The following LDAH variants were observed in gnomAD, a reference collection of about 807,000 sequenced individuals.
LDAH encodes the protein lipid droplet-associated hydrolase.
A neutral mutation model predicts 29.6 loss-of-function variants in LDAH; 26 were observed. That is an observed-to-expected ratio of 0.88 (90% CI 0.64 to 1.22). The LOEUF is 1.22. Ranked by LOEUF, LDAH falls within the 50% of genes most tolerant of loss-of-function variation. The pLI, the probability that LDAH is intolerant of heterozygous loss-of-function variation, is 0.00. For synonymous variants in LDAH, 117 were observed against 133.0 expected, an observed-to-expected ratio of 0.88 and a Z score of 0.83; for missense variants, 344 against 387.3, an observed-to-expected ratio of 0.89 and a Z score of 0.94.
intron 4 of LDAH, among the ~76,000 whole-genome samples, chr2:20,760,211 C>G (rs1265135963): frequency 6.6e-6 from 1 of 151,974 alleles, no homozygotes; most frequent in East Asian, 1.9e-4. Flanking sequence ...AGTGTAAAAG[C>G]AGGGAAAAGT....
intron 1 of LDAH, among the ~76,000 whole-genome samples, chr2:20,807,948 A>C (rs951290301): frequency 1.3e-5 from 2 of 150,838 alleles, no homozygotes; most frequent in African/African-American, 2.5e-5. Context: ...AAAAAAAAAA[A>C]CCCTTACATA....
intron 5 of LDAH, among the ~76,000 whole-genome samples, chr2:20,710,729 C>G (rs571828333): frequency 1.4e-5 from 2 of 146,526 alleles, no homozygotes; most frequent in South Asian, 4.2e-4. Context: ...CATATATATA[C>G]ATATATATTA....
intron 2 of LDAH, among the ~76,000 whole-genome samples, chr2:20,793,601 C>T (rs891045629): frequency 6.6e-6 from 1 of 152,040 alleles, no homozygotes; most frequent in Non-Finnish European, 1.5e-5. Context: ...TCATGTGATA[C>T]CTTTTGGGCC....
intron 4 of LDAH, among the ~76,000 whole-genome samples, chr2:20,747,158 A>T (rs978301994): frequency 6.6e-6 from 1 of 152,058 alleles, no homozygotes; most frequent in African/African-American, 2.4e-5. Context: ...AAAAACAGTA[A>T]ATCTTCAAAA....
chr2:20,724,046 G>C (rs1297033021), intron 5 of LDAH, among the ~76,000 whole-genome samples: 4 of 152,168 alleles, frequency 2.6e-5, no homozygotes, highest in African/African-American at 9.7e-5. Flanking sequence ...AAATAGCCGA[G>C]TGAGGGCTAA....
intron 5 of LDAH, among the ~76,000 whole-genome samples, chr2:20,737,736 G>A (rs1666888673): frequency 6.6e-6 from 1 of 152,148 alleles, no homozygotes; most frequent in African/African-American, 2.4e-5. Flanking sequence ...ATTTTCAGAG[G>A]CGTGTGAACC....
intron 5 of LDAH, among the ~76,000 whole-genome samples, chr2:20,705,116 A>G (rs1297749692): frequency 6.6e-6 from 1 of 152,238 alleles, no homozygotes; most frequent in Non-Finnish European, 1.5e-5. Flanking sequence ...AGGAATTTTT[A>G]TAGATGTTTA....
chr2:20,758,802 T>C (rs1572563505), intron 4 of LDAH, among the ~76,000 whole-genome samples: 1 of 151,912 alleles, frequency 6.6e-6, no homozygotes. Flanking sequence ...GATAGGAAAA[T>C]ATATATCTAG....
intron 4 of LDAH, among the ~76,000 whole-genome samples, chr2:20,763,268 A>C (rs1668810926): frequency 6.6e-6 from 1 of 152,174 alleles, no homozygotes; most frequent in South Asian, 2.1e-4. Context: ...CCTGCTTCCA[A>C]GGGATATGAG....
In LDAH at chr2:20,765,033, G is replaced by C. The variant is rs116786474; in HGVS notation, c.468+9777C>G. 4.3e-3 allele frequency among the ~76,000 whole-genome samples: 649 copies of C among 152,254 alleles called. 3 individuals are homozygous for C. Among genetic ancestry groups the C allele is most frequent in the African/African-American group, 0.015 (628 of 41,558 alleles). On this transcript the variant is annotated intron_variant, in intron 4 of 6. Coordinates refer to ENST00000237822, the MANE Select transcript of LDAH (RefSeq NM_021925.4). ...TAGACTTTTTCTAGATGGAAAAGGA[G>C]AACCAAATATGTAATATATGTTCCC... is the stretch of plus-strand genomic sequence containing the variant.
intron 4 of LDAH, among the ~76,000 whole-genome samples, chr2:20,769,460 T>C (rs1241797842): frequency 6.6e-6 from 1 of 152,226 alleles, no homozygotes; most frequent in Non-Finnish European, 1.5e-5. Context: ...AGTGACATAA[T>C]ATGAATGCTT....
At chr2:20,682,769 A>C (rs1281106603), downstream of LDAH, among the ~76,000 whole-genome samples, 1 of 152,180 alleles carries the variant, frequency 6.6e-6, no homozygotes, top group Admixed American at 6.5e-5. Flanking sequence ...TCTCTAACAC[A>C]CGAACTTTGG....
chr2:20,755,265 T>C (rs1397051426), intron 4 of LDAH, among the ~76,000 whole-genome samples: 3 of 151,398 alleles, frequency 2.0e-5, no homozygotes, highest in African/African-American at 7.2e-5. Context: ...CTTACAACTC[T>C]TCTCTAAGTT....
chr2:20,791,224 T>C (rs368364344), intron 2 of LDAH, among the ~76,000 whole-genome samples: 1 of 152,214 alleles, frequency 6.6e-6, no homozygotes, highest in Non-Finnish European at 1.5e-5. Context: ...GTTAAGAGCA[T>C]AGACTCTGAA....
chr2:20,713,982 G>A (rs1315353677), intron 5 of LDAH, among the ~76,000 whole-genome samples: 1 of 152,088 alleles, frequency 6.6e-6, no homozygotes, highest in African/African-American at 2.4e-5. Context: ...TGAGCCAGAA[G>A]GTTAACAAGC....
rs1666909973 is a variant in LDAH at position 20,737,977 on chromosome 2, G to A, written c.703+1994C>T. On this transcript the variant is annotated intron_variant, in intron 5 of 6. Transcript: ENST00000237822. The stretch of plus-strand genomic sequence containing the variant: ...GATAAAAATATCGATTCTTGGGCCG[G>A]ACATGGTGGCGCATGCCTGTAATCC... Among the ~76,000 whole-genome samples, 16 of 152,220 alleles carry A rather than the reference G, an allele frequency of 1.1e-4. No homozygotes were observed. The South Asian group carries it at 3.1e-3, about 30-fold the overall frequency.
intron 1 of LDAH, among the ~76,000 whole-genome samples, chr2:20,808,947 C>T (rs1344416908): frequency 2.0e-5 from 3 of 152,144 alleles, no homozygotes; most frequent in African/African-American, 7.2e-5. Context: ...TCCTTTCTCA[C>T]ACCACAGACA....
chr2:20,789,703 A>G (rs1159061009), intron 3 of LDAH, among the ~76,000 whole-genome samples: 1 of 152,212 alleles, frequency 6.6e-6, no homozygotes, highest in Admixed American at 6.5e-5. Context: ...CCGGCCACAC[A>G]GATGAAGGTG....
chr2:20,786,513 T>C (rs1356099174), intron 3 of LDAH, among the ~76,000 whole-genome samples: 1 of 152,096 alleles, frequency 6.6e-6, no homozygotes, highest in Non-Finnish European at 1.5e-5. Context: ...ATGTTTTCTG[T>C]AGCTATAGGT....
Sources: gnomAD v4.1 joint callset for allele counts (sites outside exome capture counted in the v4.1 genomes callset) on GRCh38, gnomAD v4.1.1 for gene constraint, MANE v1.5 for transcripts, NCBI Gene and HGNC (gene_info 2026-07-23, HGNC 2026-07-21) for gene names.